The following LMOD1 variants were observed in gnomAD, a reference collection of about 807,000 sequenced individuals.
LMOD1 encodes leiomodin 1, also known as leiomodin-1.
LMOD1 carries 8 observed loss-of-function variants against 36.5 expected under a neutral mutation model. The ratio of observed to expected loss-of-function variants is 0.22; its 90% CI spans 0.13 to 0.40. LMOD1 has a LOEUF of 0.40. Among genes scored for constraint, LMOD1 ranks in the 10% least tolerant of loss-of-function variants. The probability of loss-of-function intolerance (pLI) is 1.00; values close to 1 mark genes in which losing one functional copy is unlikely to be tolerated. For missense variants in LMOD1, 630 were observed against 751.1 expected (o/e 0.84, Z 1.88); for synonymous variants, 284 against 288.7 (o/e 0.98, Z 0.17).
chr1:201,908,174 G>C (rs1467980504), intron 1 of LMOD1, among the ~76,000 whole-genome samples: 1 of 152,186 alleles, frequency 6.6e-6, no homozygotes, highest in Non-Finnish European at 1.5e-5. Flanking sequence ...GCACCTGCCA[G>C]CAACCCTCTT....
At position 201,896,897 on chromosome 1, in the gene LMOD1, C is replaced by A; in HGVS notation, c.*1475G>T. On this transcript the variant is annotated 3_prime_UTR_variant, in exon 3 of 3. Coordinates refer to ENST00000367288, the MANE Select transcript of LMOD1 (RefSeq NM_012134.3). ...CTTGCTTCCTAGCTGGGGCACCCCA[C>A]CCTCACCTCAAAGATGGTGAAACTG... is the stretch of plus-strand genomic sequence containing the variant. 2.8e-6 allele frequency: 1 copy of A among 358,426 alleles called. No homozygotes were observed. Among genetic ancestry groups the A allele is most frequent in the Admixed American group, 3.6e-5 (1 of 27,942 alleles). 22.2% of individuals were successfully genotyped at this position (358,426 alleles called of 1,614,324 possible).
chr1:201,944,861 C>T (rs1480251850), intron 1 of LMOD1, among the ~76,000 whole-genome samples: 3 of 152,158 alleles, frequency 2.0e-5, no homozygotes, highest in Non-Finnish European at 4.4e-5. Context: ...TGCTCTGTGA[C>T]TAGCAGTCAA....
chr1:201,915,552 A>C lies in LMOD1; in HGVS notation c.262-14801T>G, dbSNP rs79955193. ...TAAACACCCAGTGACTCCAATCAGAACCCGGCTGGGAAGAGGAAAGGAGGG... is the reference window on the plus strand; with the variant it reads ...TAAACACCCAGTGACTCCAATCAGACCCCGGCTGGGAAGAGGAAAGGAGGG... On this transcript the variant is annotated intron_variant, in intron 1 of 2. Transcript: ENST00000367288. Among the ~76,000 whole-genome samples, 1,402 of 152,114 alleles carry C rather than the reference A, an allele frequency of 9.2e-3. 16 individuals carry two copies. The highest frequency in any genetic ancestry group is 0.03 in the African/African-American group (1,259 of 41,496).
rs9943137 is a variant in LMOD1, at chr1:201,937,193, T to C, written c.261+8887A>G. Among the ~76,000 whole-genome samples the C allele has an allele frequency of 3.7e-3, 558 of 151,868 alleles. 5 individuals are homozygous for C. Among genetic ancestry groups the C allele is most frequent in the African/African-American group, 0.011 (454 of 41,404 alleles). ...CCAGGTGTGGTGGCTCATGCCCGTA[T>C]CCCAGCACTTGGGAGGCCAAGGCAG... is the stretch of plus-strand genomic sequence containing the variant. On this transcript the variant is annotated intron_variant, in intron 1 of 2. Coordinates refer to ENST00000367288, the MANE Select transcript of LMOD1 (RefSeq NM_012134.3).
At chr1:201,914,475 C>T (rs1394409325) in intron 1 of LMOD1, among the ~76,000 whole-genome samples, 1 of 151,784 alleles carries the variant, frequency 6.6e-6, no homozygotes, top group Non-Finnish European at 1.5e-5. Flanking sequence ...CATCCACTTC[C>T]TGTGGCTGCA....
chr1:201,921,636 G>A (rs986246346), intron 1 of LMOD1, among the ~76,000 whole-genome samples: 3 of 151,988 alleles, frequency 2.0e-5, no homozygotes, highest in African/African-American at 7.2e-5. Flanking sequence ...ATCAGGAAGA[G>A]GAAAGGGACT....
chr1:201,940,149 T>TGCCTCCCTCTTGCATTTTCCATCCA (rs1682087990), intron 1 of LMOD1, among the ~76,000 whole-genome samples: 1 of 151,120 alleles, frequency 6.6e-6, no homozygotes, highest in African/African-American at 2.4e-5. Flanking sequence ...CCATCTGTCC[T>TGCCTCCCTCTTGCATTTTCCATCCA]GCCTCCCTCT....
intron 1 of LMOD1, 87 bp from the exon 2 acceptor site, chr1:201,900,838 C>G: frequency 8.5e-7 from 1 of 1,175,010 alleles, no homozygotes. Flanking sequence ...GGAGCGCTTA[C>G]ATAACTGCCC....
intron 1 of LMOD1, among the ~76,000 whole-genome samples, chr1:201,908,502 G>A (rs1442641393): frequency 6.6e-6 from 1 of 152,180 alleles, no homozygotes; most frequent in African/African-American, 2.4e-5. Flanking sequence ...CCAAACAGAT[G>A]CTCAGCTCCT....
chr1:201,941,176 C>T (rs992195763), intron 1 of LMOD1, among the ~76,000 whole-genome samples: 4 of 151,556 alleles, frequency 2.6e-5, no homozygotes, highest in African/African-American at 7.3e-5. Flanking sequence ...AGGCTAGTCT[C>T]GAGCTCCTGA....
At chr1:201,935,640 T>A (rs1383350313) in intron 1 of LMOD1, among the ~76,000 whole-genome samples, 5 of 151,942 alleles carry the variant, frequency 3.3e-5, no homozygotes, top group African/African-American at 1.2e-4. Context: ...CACTGCAACC[T>A]CCACCTCCTG....
intron 1 of LMOD1, among the ~76,000 whole-genome samples, chr1:201,910,323 G>C (rs1017334579): frequency 4.0e-5 from 6 of 150,880 alleles, no homozygotes; most frequent in Non-Finnish European, 7.4e-5. Flanking sequence ...GCCTAGGTTG[G>C]AGTACAGTGG....
chr1:201,921,487 CAAAAAAA>C (rs57488982), intron 1 of LMOD1, among the ~76,000 whole-genome samples: 3 of 59,780 alleles, frequency 5.0e-5, no homozygotes, highest in Non-Finnish European at 3.0e-5. Context: ...GACTCCATCT[CAAAAAAA>C]AAAAAAAAAA....
intron 1 of LMOD1, among the ~76,000 whole-genome samples, chr1:201,921,792 C>T (rs1681710175): frequency 6.6e-6 from 1 of 151,884 alleles, no homozygotes; most frequent in Admixed American, 6.6e-5. Flanking sequence ...AACCCCATCT[C>T]TACTAAAAAT....
At position 201,901,577 on chromosome 1, in the gene LMOD1, T is replaced by C. The variant is rs1285684468; in HGVS notation, c.262-826A>G. ...ACATATATATATGTATATATATATA[T>C]ATATATACATATATATATGTATATA... On this transcript the variant is annotated intron_variant, in intron 1 of 2. Coordinates refer to ENST00000367288, the MANE Select transcript of LMOD1 (RefSeq NM_012134.3). Among the ~76,000 whole-genome samples the C allele has an allele frequency of 9.3e-4, 26 of 28,042 alleles. 1 individual carries two copies. The highest frequency in any genetic ancestry group is 3.5e-3 in the Admixed American group (6 of 1,700). The allele number at this position is 28,042 out of a possible 152,430, so 18.4% of individuals were successfully genotyped here.
intron 1 of LMOD1, among the ~76,000 whole-genome samples, chr1:201,914,952 C>T (rs758384792): frequency 6.6e-6 from 1 of 152,162 alleles, no homozygotes; most frequent in Non-Finnish European, 1.5e-5. Flanking sequence ...CAAACTTCCT[C>T]AAAGAGCTCT....
intron 1 of LMOD1, among the ~76,000 whole-genome samples, chr1:201,929,025 A>G (rs1681873974): frequency 6.6e-6 from 1 of 150,398 alleles, no homozygotes; most frequent in South Asian, 2.1e-4. Flanking sequence ...GCCTGCAAAA[A>G]TATAATTAAT....
At chr1:201,918,857 C>T (rs1681651676) in intron 1 of LMOD1, among the ~76,000 whole-genome samples, 1 of 152,172 alleles carries the variant, frequency 6.6e-6, no homozygotes, top group East Asian at 1.9e-4. Context: ...AAGCAAATTC[C>T]AGGTGTATCA....
rs150356888 is a variant in LMOD1 at position 201,915,312 on chromosome 1, G to A, written c.262-14561C>T. On this transcript the variant is annotated intron_variant, in intron 1 of 2. Transcript: ENST00000367288. ...GTTTTCACCTTTAGAGCCTCTCACC[G>A]GATTATCTCATCCATTCTGATGGCA... 5.5e-4 allele frequency among the ~76,000 whole-genome samples: 84 copies of A among 152,128 alleles called. 1 individual carries two copies. In the East Asian group the frequency reaches 0.013, roughly 23 times the overall value.
Sources: gnomAD v4.1 joint callset for allele counts (sites outside exome capture counted in the v4.1 genomes callset) on GRCh38, gnomAD v4.1.1 for gene constraint, MANE v1.5 for transcripts, NCBI Gene and HGNC (gene_info 2026-07-23, HGNC 2026-07-21) for gene names.